RBFOX1: variants seen among roughly 807,000 people sequenced by gnomAD.
RBFOX1 encodes RNA binding fox-1 homolog 1, also known as RNA binding protein fox-1 homolog 1.
RBFOX1 carries 8 observed loss-of-function variants against 57.7 expected under a neutral mutation model. The ratio of observed to expected loss-of-function variants is 0.14; its 90% CI spans 0.08 to 0.25. RBFOX1 has a LOEUF of 0.25. RBFOX1 is among the 10% of genes least tolerant of loss of function. The pLI is 1.00. For synonymous variants in RBFOX1, 326 were observed against 222.4 expected (o/e 1.47, Z -4.15); for missense variants, 611 against 548.5 (o/e 1.11, Z -1.14).
chr16:5,878,900 A>C (rs8054620), intron 4 of RBFOX1, among the ~76,000 whole-genome samples: 21,512 of 152,234 alleles, frequency 0.14, 3,186 homozygotes, highest in African/African-American at 0.37. Flanking sequence ...TGGCCTTGTC[A>C]TTCTAATGTA....
chr16:7,584,815 G>A (rs2094007296), intron 6 of RBFOX1, among the ~76,000 whole-genome samples: 1 of 152,146 alleles, frequency 6.6e-6, no homozygotes, highest in Non-Finnish European at 1.5e-5. Context: ...CTTGGAAATG[G>A]GGCTTACATC....
At chr16:6,958,458 C>G (rs1393848110) in intron 3 of RBFOX1, among the ~76,000 whole-genome samples, 2 of 152,060 alleles carry the variant, frequency 1.3e-5, no homozygotes, top group African/African-American at 4.8e-5. Flanking sequence ...CTCGCAATTC[C>G]TCGGGATAAT....
intron 3 of RBFOX1, among the ~76,000 whole-genome samples, chr16:6,999,758 T>C (rs1410546900): frequency 6.6e-6 from 1 of 152,076 alleles, no homozygotes; most frequent in African/African-American, 2.4e-5. Context: ...TGTATTGTCA[T>C]TAATGTTATT....
At chr16:5,737,675 C>G (rs1038056026) in intron 3 of RBFOX1, among the ~76,000 whole-genome samples, 8 of 152,066 alleles carry the variant, frequency 5.3e-5, no homozygotes, top group Middle Eastern at 3.4e-3. Flanking sequence ...TTTGCACTGT[C>G]TCCGTACCTA....
chr16:7,177,639 A>T (rs1201774501), intron 4 of RBFOX1, among the ~76,000 whole-genome samples: 2 of 152,154 alleles, frequency 1.3e-5, no homozygotes, highest in Non-Finnish European at 1.5e-5. Flanking sequence ...AAATTGCATT[A>T]TTAACTAGAT....
chr16:6,150,749 C>T (rs907660022), intron 1 of RBFOX1, among the ~76,000 whole-genome samples: 1 of 152,114 alleles, frequency 6.6e-6, no homozygotes, highest in Non-Finnish European at 1.5e-5. Flanking sequence ...TCTTGTTTAT[C>T]TATCTCTCTA....
chr16:5,350,410 C>T (rs1056985462), intron 1 of RBFOX1, among the ~76,000 whole-genome samples: 1 of 152,146 alleles, frequency 6.6e-6, no homozygotes, highest in African/African-American at 2.4e-5. Context: ...GGCTGACACA[C>T]AGCAGGAATG....
At chr16:5,319,475 A>G (rs148387977) in intron 1 of RBFOX1, among the ~76,000 whole-genome samples, 248 of 152,234 alleles carry the variant, frequency 1.6e-3, no homozygotes, top group African/African-American at 5.8e-3. Flanking sequence ...TTTCATCCCT[A>G]GAAGATGATC....
chr16:5,955,007 G>A (rs974995939), intron 4 of RBFOX1, among the ~76,000 whole-genome samples: 2 of 150,156 alleles, frequency 1.3e-5, no homozygotes, highest in Admixed American at 1.3e-4. Flanking sequence ...CTAGCTGGAC[G>A]TGGCAGCTCA....
intron 4 of RBFOX1, among the ~76,000 whole-genome samples, chr16:7,451,948 G>A (rs1010806161): frequency 6.6e-6 from 1 of 152,062 alleles, no homozygotes; most frequent in Non-Finnish European, 1.5e-5. Flanking sequence ...AATGAGGTGG[G>A]GTAAGGTGGT....
At chr16:7,013,339 A>G (rs1597006976) in intron 3 of RBFOX1, among the ~76,000 whole-genome samples, 1 of 152,214 alleles carries the variant, frequency 6.6e-6, no homozygotes, top group Non-Finnish European at 1.5e-5. Flanking sequence ...TATACGTGCA[A>G]TAAACATAAA....
chr16:6,624,614 T>A (rs2098278400), intron 2 of RBFOX1, among the ~76,000 whole-genome samples: 1 of 152,166 alleles, frequency 6.6e-6, no homozygotes, highest in African/African-American at 2.4e-5. Context: ...GTAGCCACAG[T>A]GCAGCTGTGT....
chr16:5,418,754 C>G (rs1326191469), intron 1 of RBFOX1, among the ~76,000 whole-genome samples: 2 of 152,162 alleles, frequency 1.3e-5, no homozygotes, highest in Non-Finnish European at 2.9e-5. Context: ...TCATCCCTCC[C>G]TCTCTCCTTT....
intron 2 of RBFOX1, among the ~76,000 whole-genome samples, chr16:5,591,663 C>T (rs2151184033): frequency 6.6e-6 from 1 of 152,338 alleles, no homozygotes; most frequent in East Asian, 1.9e-4. Flanking sequence ...GAGTACTATA[C>T]ATACCACTGA....
intron 7 of RBFOX1, among the ~76,000 whole-genome samples, chr16:7,588,852 A>G (rs958460679): frequency 2.0e-5 from 3 of 152,134 alleles, no homozygotes; most frequent in African/African-American, 7.2e-5. Flanking sequence ...GATGTTGATC[A>G]TATCAAGGAA....
chr16:5,239,894 G>A (rs942285866), exon 1 of RBFOX1: 46 of 1,479,058 alleles, frequency 3.1e-5, no homozygotes, highest in Non-Finnish European at 4.1e-5. Context: ...GCCATGGCCA[G>A]CCCTTCCGGC....
chr16:6,788,777 C>G (rs1293912769), intron 3 of RBFOX1, among the ~76,000 whole-genome samples: 2 of 151,978 alleles, frequency 1.3e-5, no homozygotes, highest in Non-Finnish European at 2.9e-5. Flanking sequence ...GCCCGGCCCC[C>G]CACTGATTTT....
intron 1 of RBFOX1, among the ~76,000 whole-genome samples, chr16:6,268,081 C>A (rs139751559): frequency 1.2e-4 from 18 of 152,276 alleles, no homozygotes; most frequent in Admixed American, 1.2e-3. Context: ...AATGGCCTTG[C>A]ACTGGGTAAA....
chr16:7,406,772 G>T (rs1597634503), intron 4 of RBFOX1, among the ~76,000 whole-genome samples: 2 of 152,312 alleles, frequency 1.3e-5, no homozygotes, highest in South Asian at 4.1e-4. Context: ...GAGGCAAAAA[G>T]ACTGAAGTAG....
Sources: gnomAD v4.1 joint callset for allele counts (sites outside exome capture counted in the v4.1 genomes callset) on GRCh38, gnomAD v4.1.1 for gene constraint, MANE v1.5 for transcripts, NCBI Gene and HGNC (gene_info 2026-07-23, HGNC 2026-07-21) for gene names.